The following PIK3CB variants were observed in gnomAD, a reference collection of about 807,000 sequenced individuals.
PIK3CB encodes phosphatidylinositol-4,5-bisphosphate 3-kinase catalytic subunit beta, also known as phosphatidylinositol 4,5-bisphosphate 3-kinase catalytic subunit beta isoform.
PIK3CB carries 39 observed loss-of-function variants against 136.8 expected under a neutral mutation model. That is an observed-to-expected ratio of 0.29 (90% CI 0.22 to 0.37). The LOEUF is 0.37. Ranked by LOEUF, PIK3CB falls within the 10% of genes least tolerant of loss-of-function variation. The probability of loss-of-function intolerance (pLI) is 1.00; values close to 1 mark genes in which losing one functional copy is unlikely to be tolerated. For missense variants in PIK3CB, 868 were observed against 1,275.4 expected (o/e 0.68, Z 4.87); for synonymous variants, 428 against 436.6 (o/e 0.98, Z 0.25).
intron 3 of PIK3CB, 62 bp from the exon 4 acceptor site, chr3:138,756,041 A>C: frequency 2.3e-6 from 2 of 871,196 alleles, no homozygotes; most frequent in Non-Finnish European, 3.8e-6. Flanking sequence ...ACAAAGATAT[A>C]AGGATGCTCA....
chr3:138,718,442 G>A (rs2044657537), intron 8 of PIK3CB, among the ~76,000 whole-genome samples: 1 of 151,980 alleles, frequency 6.6e-6, no homozygotes, highest in South Asian at 2.1e-4. Context: ...TGCATAGTTT[G>A]CAAATATTTT....
intron 16 of PIK3CB, among the ~76,000 whole-genome samples, chr3:138,685,420 A>AG (rs71637085): frequency 1.3e-4 from 11 of 86,984 alleles, no homozygotes; most frequent in Admixed American, 3.5e-4. Flanking sequence ...AAAAAAAAAA[A>AG]AAAGAAAGAA....
At chr3:138,798,616 C>T (rs942731337) in intron 1 of PIK3CB, among the ~76,000 whole-genome samples, 7 of 152,126 alleles carry the variant, frequency 4.6e-5, no homozygotes, top group African/African-American at 9.7e-5. Context: ...GAAAGACTTT[C>T]CACTTGTTTT....
chr3:138,801,238 T>C (rs906211101), intron 1 of PIK3CB, among the ~76,000 whole-genome samples: 3 of 151,696 alleles, frequency 2.0e-5, no homozygotes, highest in African/African-American at 7.3e-5. Flanking sequence ...ATAGCAAGAG[T>C]ATTATTTTTT....
intron 8 of PIK3CB, among the ~76,000 whole-genome samples, chr3:138,730,111 G>A (rs915689290): frequency 6.6e-6 from 1 of 152,120 alleles, no homozygotes; most frequent in African/African-American, 2.4e-5. Flanking sequence ...ATATAATCCT[G>A]CTGGGGAGAA....
chr3:138,697,560 C>T (rs955099607), intron 13 of PIK3CB, among the ~76,000 whole-genome samples: 3 of 152,034 alleles, frequency 2.0e-5, no homozygotes, highest in Non-Finnish European at 2.9e-5. Context: ...CCCAACCTCC[C>T]GAGTAGCTGG....
At chr3:138,818,561 C>T (rs1461282798) in intron 1 of PIK3CB, among the ~76,000 whole-genome samples, 3 of 152,172 alleles carry the variant, frequency 2.0e-5, no homozygotes. Flanking sequence ...CTCCAAGATC[C>T]TTCCCACAGC....
intron 2 of PIK3CB, among the ~76,000 whole-genome samples, chr3:138,787,660 A>G (rs901512406): frequency 1.2e-4 from 18 of 152,178 alleles, no homozygotes; most frequent in Admixed American, 1.1e-3. Flanking sequence ...AGTAAACACA[A>G]AAGTGAAAAT....
chr3:138,673,051 A>G (rs536028810), intron 19 of PIK3CB, among the ~76,000 whole-genome samples: 9 of 152,272 alleles, frequency 5.9e-5, no homozygotes, highest in African/African-American at 2.2e-4. Context: ...TTACTAAGAA[A>G]GTCACATAAA....
At chr3:138,762,761 C>T (rs2045679516) in intron 2 of PIK3CB, among the ~76,000 whole-genome samples, 1 of 152,014 alleles carries the variant, frequency 6.6e-6, no homozygotes, top group African/African-American at 2.4e-5. Context: ...AGTTTGAGAC[C>T]AGCCTGGGCA....
chr3:138,661,429 A>T (rs189056313), intron 21 of PIK3CB, among the ~76,000 whole-genome samples: 7 of 152,180 alleles, frequency 4.6e-5, no homozygotes, highest in African/African-American at 1.2e-4. Flanking sequence ...AGTCACTGCC[A>T]CTTCTCTATC....
At chr3:138,799,127 C>T (rs2046141592) in intron 1 of PIK3CB, among the ~76,000 whole-genome samples, 1 of 151,452 alleles carries the variant, frequency 6.6e-6, no homozygotes, top group East Asian at 1.9e-4. Flanking sequence ...GAGGCTGAGG[C>T]TATGCTGTTC....
At chr3:138,684,948 G>C in intron 16 of PIK3CB, 145 bp from the exon 17 acceptor site, 1 of 524,388 alleles carries the variant, frequency 1.9e-6, no homozygotes, top group Admixed American at 3.7e-5. Context: ...AATAGTGTCT[G>C]ACTTACGAAA....
At chr3:138,832,689 TGTG>T (rs748751003) in intron 1 of PIK3CB, among the ~76,000 whole-genome samples, 3 of 151,776 alleles carry the variant, frequency 2.0e-5, no homozygotes, top group Non-Finnish European at 4.4e-5. Flanking sequence ...ATTAGCCGCG[TGTG>T]GTGGCACATG....
At chr3:138,725,515 T>C (rs1328532173) in intron 8 of PIK3CB, among the ~76,000 whole-genome samples, 2 of 152,248 alleles carry the variant, frequency 1.3e-5, no homozygotes, top group African/African-American at 4.8e-5. Context: ...CCTGGGGCTC[T>C]ATCGAATTTT....
At chr3:138,660,787 A>C (rs1385658612) in intron 21 of PIK3CB, among the ~76,000 whole-genome samples, 1 of 152,232 alleles carries the variant, frequency 6.6e-6, no homozygotes, top group East Asian at 1.9e-4. Flanking sequence ...CATACTTCAA[A>C]ACAATATGTC....
intron 6 of PIK3CB, among the ~76,000 whole-genome samples, 161 bp from the exon 7 acceptor site, chr3:138,734,965 T>G (rs1054760505): frequency 2.0e-5 from 3 of 150,990 alleles, no homozygotes; most frequent in Non-Finnish European, 4.4e-5. Flanking sequence ...TTTTTTTTTT[T>G]TTTTTGAGAC....
At chr3:138,663,448 C>T (rs1168426038) in intron 21 of PIK3CB, among the ~76,000 whole-genome samples, 1 of 152,154 alleles carries the variant, frequency 6.6e-6, no homozygotes, top group African/African-American at 2.4e-5. Context: ...GTGAGGCGAT[C>T]TCGGCTCACT....
chr3:138,773,260 G>A (rs902434814), intron 2 of PIK3CB, among the ~76,000 whole-genome samples: 6 of 151,956 alleles, frequency 3.9e-5, no homozygotes, highest in Non-Finnish European at 8.8e-5. Flanking sequence ...TTAGTTAGGC[G>A]TGTTGTCAGG....
Sources: allele counts gnomAD v4.1 joint callset (sites outside exome capture counted in the v4.1 genomes callset), GRCh38; gene constraint gnomAD v4.1.1; transcripts MANE v1.5; gene names NCBI Gene and HGNC (gene_info 2026-07-23, HGNC 2026-07-21).